FRMD4A: variants seen among roughly 807,000 people sequenced by gnomAD.
FRMD4A encodes the protein FERM domain containing 4A.
In FRMD4A, 29 loss-of-function variants were observed where a neutral mutation model predicts 129.1. The observed-to-expected ratio is 0.22, with a 90% CI of 0.17 to 0.31. FRMD4A has a LOEUF of 0.31. FRMD4A is among the 10% of genes least tolerant of loss of function. FRMD4A has a pLI of 1.00. For synonymous variants in FRMD4A, 634 were observed against 571.6 expected (o/e 1.11, Z -1.56); for missense variants, 1,272 against 1,375.8 (o/e 0.92, Z 1.19).
At chr10:14,046,181 C>A (rs919721195) in intron 2 of FRMD4A, among the ~76,000 whole-genome samples, 3 of 152,090 alleles carry the variant, frequency 2.0e-5, no homozygotes, top group African/African-American at 7.2e-5. Context: ...TTGATATATT[C>A]TATCATGCTC....
intron 24 of FRMD4A, among the ~76,000 whole-genome samples, chr10:13,650,268 T>C (rs1232666114): frequency 6.6e-6 from 1 of 152,072 alleles, no homozygotes; most frequent in Admixed American, 6.5e-5. Flanking sequence ...CATACTGGGG[T>C]TGTTGAACAG....
intron 2 of FRMD4A, among the ~76,000 whole-genome samples, chr10:14,237,943 C>T (rs1843887989): frequency 6.6e-6 from 1 of 152,194 alleles, no homozygotes; most frequent in Admixed American, 6.5e-5. Context: ...CATTTGCCTC[C>T]TACTCCACTT....
chr10:14,256,270 A>T (rs951596800), intron 2 of FRMD4A, among the ~76,000 whole-genome samples: 2 of 152,156 alleles, frequency 1.3e-5, no homozygotes, highest in African/African-American at 4.8e-5. Context: ...ATAAAGCTTT[A>T]ATGAAAGATA....
At chr10:13,788,233 G>A (rs904881912) in intron 5 of FRMD4A, among the ~76,000 whole-genome samples, 4 of 152,008 alleles carry the variant, frequency 2.6e-5, no homozygotes, top group Admixed American at 1.3e-4. Context: ...ACCACCTCTC[G>A]GCTCTCACAC....
intron 2 of FRMD4A, among the ~76,000 whole-genome samples, chr10:14,185,629 A>C (rs1041096199): frequency 6.6e-6 from 1 of 152,190 alleles, no homozygotes; most frequent in African/African-American, 2.4e-5. Context: ...TATATACTTC[A>C]TGGTCAGAGA....
At chr10:13,650,660 GCCTAAGTCCCTGT>G (rs1447361819) in intron 24 of FRMD4A, among the ~76,000 whole-genome samples, 1 of 152,122 alleles carries the variant, frequency 6.6e-6, no homozygotes, top group Non-Finnish European at 1.5e-5. Flanking sequence ...TCCTTCCAAA[GCCTAAGTCCCTGT>G]CCTAATTGCC....
intron 2 of FRMD4A, among the ~76,000 whole-genome samples, chr10:13,983,775 G>A (rs1208557602): frequency 1.3e-5 from 2 of 152,050 alleles, no homozygotes; most frequent in Admixed American, 1.3e-4. Flanking sequence ...CGAGGCAGGC[G>A]GATCACCTTA....
chr10:13,771,994 G>A (rs1032910092), intron 6 of FRMD4A, among the ~76,000 whole-genome samples: 1 of 151,450 alleles, frequency 6.6e-6, no homozygotes, highest in African/African-American at 2.4e-5. Flanking sequence ...CATGCCCATA[G>A]TAGTCCCAGC....
rs529908099 is a variant in FRMD4A at position 14,230,749 on chromosome 10, C to T, written c.45+99309G>A. Among the ~76,000 whole-genome samples, 7 of 152,286 alleles carry T rather than the reference C, an allele frequency of 4.6e-5. No homozygotes were observed. The South Asian group carries it at 6.2e-4, about 14-fold the overall frequency. On this transcript the variant is annotated intron_variant, in intron 2 of 24. Transcript: ENST00000357447. ...GTCACCCAGGTAATGAACACAGTAT[C>T]CGATAGGTAGCTTTTCCGTTGTCAC...
At chr10:13,833,554 G>A (rs533066535) in intron 3 of FRMD4A, among the ~76,000 whole-genome samples, 26 of 152,252 alleles carry the variant, frequency 1.7e-4, no homozygotes, top group African/African-American at 6.3e-4. Context: ...CCCTGTGCCC[G>A]GTGGTTAAGG....
chr10:14,157,905 G>A (rs963606996), intron 2 of FRMD4A, among the ~76,000 whole-genome samples: 12 of 152,282 alleles, frequency 7.9e-5, no homozygotes, highest in African/African-American at 2.9e-4. Context: ...AGAAAAAGCT[G>A]AGTTAACTTC....
chr10:14,026,955 T>A (rs184921852), intron 2 of FRMD4A, among the ~76,000 whole-genome samples: 36 of 152,292 alleles, frequency 2.4e-4, no homozygotes, highest in African/African-American at 6.0e-4. Flanking sequence ...TTTAAAAGAA[T>A]TTATTTTTAT....
At chr10:13,945,953 C>G (rs1392015564) in intron 2 of FRMD4A, among the ~76,000 whole-genome samples, 3 of 152,230 alleles carry the variant, frequency 2.0e-5, no homozygotes, top group African/African-American at 7.2e-5. Context: ...AGCCATCAAT[C>G]AGAGCACAGG....
At chr10:13,977,388 T>G (rs1005104159) in intron 2 of FRMD4A, among the ~76,000 whole-genome samples, 1 of 152,324 alleles carries the variant, frequency 6.6e-6, no homozygotes, top group Middle Eastern at 3.4e-3. Flanking sequence ...TTAAGCAATC[T>G]CCATGTGTAA....
intron 2 of FRMD4A, among the ~76,000 whole-genome samples, chr10:14,103,177 C>G (rs1422994097): frequency 6.6e-6 from 1 of 152,186 alleles, no homozygotes; most frequent in Non-Finnish European, 1.5e-5. Context: ...TGGCCAGCAT[C>G]CACCCCAAGA....
chr10:13,838,954 T>A (rs2093920469), intron 3 of FRMD4A, among the ~76,000 whole-genome samples: 1 of 151,068 alleles, frequency 6.6e-6, no homozygotes, highest in Admixed American at 6.6e-5. Flanking sequence ...ATGCAATGAT[T>A]AATATGACTT....
chr10:13,938,439 C>T (rs1029006178), intron 2 of FRMD4A, among the ~76,000 whole-genome samples: 15 of 152,066 alleles, frequency 9.9e-5, no homozygotes, highest in African/African-American at 2.2e-4. Flanking sequence ...GATGGGGTTT[C>T]GCCATGTTGC....
At chr10:14,329,194 A>G (rs1208637382) in intron 2 of FRMD4A, among the ~76,000 whole-genome samples, 4 of 152,202 alleles carry the variant, frequency 2.6e-5, no homozygotes, top group Admixed American at 2.0e-4. Flanking sequence ...TGCTTGGTTC[A>G]TAAAATCTCC....
chr10:14,045,587 A>G (rs1426985662), intron 2 of FRMD4A, among the ~76,000 whole-genome samples: 3 of 149,236 alleles, frequency 2.0e-5, no homozygotes, highest in Non-Finnish European at 4.4e-5. Context: ...ATATTTTTAT[A>G]TACAATAAAA....
Sources: gnomAD v4.1 joint callset for allele counts (sites outside exome capture counted in the v4.1 genomes callset) on GRCh38, gnomAD v4.1.1 for gene constraint, MANE v1.5 for transcripts, NCBI Gene and HGNC (gene_info 2026-07-23, HGNC 2026-07-21) for gene names.